Variants in SLC25A42 observed in about 807,000 individuals in gnomAD.
The protein encoded by SLC25A42 is mitochondrial coenzyme A transporter SLC25A42.
In SLC25A42, 19 loss-of-function variants were observed where a neutral mutation model predicts 34.7. That is an observed-to-expected ratio of 0.55 (90% confidence interval 0.38 to 0.80). The LOEUF is 0.80. SLC25A42 is among the 30% of genes least tolerant of loss of function. The pLI is 0.00. For missense variants in SLC25A42, 364 were observed against 441.3 expected (o/e 0.82, Z 1.57); for synonymous variants, 205 against 191.2 (o/e 1.07, Z -0.59).
At chr19:19,092,527 G>A (rs1375466003) in intron 1 of SLC25A42, among the ~76,000 whole-genome samples, 3 of 152,188 alleles carry the variant, frequency 2.0e-5, no homozygotes, top group African/African-American at 2.4e-5. Context: ...GTTCACAGAG[G>A]CTGGGCAGGT....
intron 1 of SLC25A42, 40 bp from the exon 2 acceptor site, chr19:19,096,051 G>T: frequency 7.5e-7 from 1 of 1,335,116 alleles, no homozygotes; most frequent in Non-Finnish European, 1.1e-6. Flanking sequence ...CCATCTCTCA[G>T]GATCTCGCCG....
intron 2 of SLC25A42, among the ~76,000 whole-genome samples, chr19:19,096,544 G>A (rs1451310928): frequency 6.6e-6 from 1 of 152,110 alleles, no homozygotes; most frequent in Non-Finnish European, 1.5e-5. Context: ...CACCTGGTAA[G>A]AGGCCAAAAC....
At chr19:19,089,533 AAATAAT>A (rs201259877) in intron 1 of SLC25A42, among the ~76,000 whole-genome samples, 3,742 of 147,750 alleles carry the variant, frequency 0.025, 146 homozygotes, top group African/African-American at 0.076. Flanking sequence ...ATCTCAAAAA[AAATAAT>A]AATAATAATA....
intron 5 of SLC25A42, 22 bp downstream of exon 5, chr19:19,105,749 C>T (rs1395345880): frequency 3.0e-5 from 46 of 1,518,994 alleles, no homozygotes; most frequent in Middle Eastern, 1.8e-4. Context: ...CCCCGCCCTG[C>T]CACAGAATCG....
intron 2 of SLC25A42, among the ~76,000 whole-genome samples, chr19:19,100,752 G>A (rs1422739991): frequency 2.0e-5 from 3 of 152,212 alleles, no homozygotes; most frequent in Non-Finnish European, 4.4e-5. Flanking sequence ...ACGGGGACAG[G>A]AAGGGTCTTG....
rs1331794527 is a variant in SLC25A42, at chr19:19,109,337, G to A, written c.650-1232G>A. ...CCCATTTTCGGTGTTTCTCTCTGGA[G>A]TGCTTTCCAGCCCCTTGACCCCACG... On this transcript the variant is annotated intron_variant, in intron 7 of 7. Transcript: ENST00000318596. This position sits in a 1 kb window ranked among gnomAD's most constrained non-coding sequence, Gnocchi z 4.1. Among the ~76,000 whole-genome samples, 1 of 152,330 alleles carries A rather than the reference G, an allele frequency of 6.6e-6. No individual in the cohort carries two copies. The highest frequency in any genetic ancestry group is 1.9e-4 in the East Asian group (1 of 5,182).
At chr19:19,077,993 T>C (rs541244117) in intron 1 of SLC25A42, among the ~76,000 whole-genome samples, 1 of 152,370 alleles carries the variant, frequency 6.6e-6, no homozygotes, top group African/African-American at 2.4e-5. Flanking sequence ...AGCAGCAGTT[T>C]GGTGTGTTAC....
At chr19:19,074,721 GTA>G (rs991461013) in intron 1 of SLC25A42, among the ~76,000 whole-genome samples, 6 of 151,684 alleles carry the variant, frequency 4.0e-5, no homozygotes, top group Admixed American at 2.0e-4. Flanking sequence ...GTGCGTGCGT[GTA>G]TGTGTGTGTG....
At chr19:19,105,486 G>T (rs1188151599) in intron 4 of SLC25A42, 75 bp from the exon 5 acceptor site, 1 of 1,539,844 alleles carries the variant, frequency 6.5e-7, no homozygotes, top group Non-Finnish European at 8.8e-7. Context: ...CACTTTGGGC[G>T]CTCTGCTGGT....
chr19:19,065,375 C>T lies in SLC25A42; in HGVS notation c.-35+1260C>T, dbSNP rs114036537. Among the ~76,000 whole-genome samples, 630 of 152,278 alleles carry T rather than the reference C, an allele frequency of 4.1e-3. 5 individuals are homozygous for T. The highest frequency in any genetic ancestry group is 0.015 in the African/African-American group (616 of 41,548). On this transcript the variant is annotated intron_variant, in intron 1 of 7. Transcript: ENST00000318596. ...GAAACACTCTTTAGAGTGAGGCAAA[C>T]TAATGTTTCAGCTGTTTAAAGCTAA...
At position 19,081,296 on chromosome 19, in the gene SLC25A42, G is replaced by A. The variant is rs976293271; in HGVS notation, c.-34-14795G>A. 2.0e-5 allele frequency among the ~76,000 whole-genome samples: 3 copies of A among 152,030 alleles called. No individual in the cohort carries two copies. The highest frequency in any genetic ancestry group is 7.2e-5 in the African/African-American group (3 of 41,394). Reference sequence around the variant, plus strand: ...GCACTGGACCCATAAGGAACCACAGGGACCACCACTATGACCAGCCTGGCA... The same window carrying A: ...GCACTGGACCCATAAGGAACCACAGAGACCACCACTATGACCAGCCTGGCA... On this transcript the variant is annotated intron_variant, in intron 1 of 7. Coordinates refer to ENST00000318596, the MANE Select transcript of SLC25A42 (RefSeq NM_178526.5). This position sits in a 1 kb window ranked among gnomAD's most constrained non-coding sequence, Gnocchi z 4.5.
chr19:19,106,392 C>G lies in SLC25A42; in HGVS notation c.497+7C>G, dbSNP rs372229409. Reference sequence around the variant, plus strand: ...CCGTAACCCCGAAGGAAATGTGAGTCCTTACATCGGTGATGCGCATCAGCC... The same window carrying G: ...CCGTAACCCCGAAGGAAATGTGAGTGCTTACATCGGTGATGCGCATCAGCC... On this transcript the variant is annotated splice_region_variant and intron_variant, in intron 6 of 7. Coordinates refer to ENST00000318596, the MANE Select transcript of SLC25A42 (RefSeq NM_178526.5). 3 of 1,606,542 alleles carry G rather than the reference C, an allele frequency of 1.9e-6. No individual in the cohort carries two copies. Among genetic ancestry groups the G allele is most frequent in the Non-Finnish European group, 2.6e-6 (3 of 1,174,524 alleles).
At chr19:19,094,150 C>G (rs1258562383) in intron 1 of SLC25A42, among the ~76,000 whole-genome samples, 1 of 152,218 alleles carries the variant, frequency 6.6e-6, no homozygotes, top group Non-Finnish European at 1.5e-5. Context: ...TGACAGCCCC[C>G]TTTCCAGACT....
chr19:19,077,995 G>A (rs2059663275), intron 1 of SLC25A42, among the ~76,000 whole-genome samples: 1 of 152,182 alleles, frequency 6.6e-6, no homozygotes, highest in African/African-American at 2.4e-5. Context: ...CAGCAGTTTG[G>A]TGTGTTACAT....
chr19:19,075,152 CA>C (rs947294060), intron 1 of SLC25A42, among the ~76,000 whole-genome samples: 22 of 146,720 alleles, frequency 1.5e-4, no homozygotes, highest in Admixed American at 2.7e-4. Flanking sequence ...GACCCTGTCT[CA>C]AAAAAAAAAG....
At chr19:19,083,871 C>A (rs578044726) in intron 1 of SLC25A42, among the ~76,000 whole-genome samples, 2 of 151,932 alleles carry the variant, frequency 1.3e-5, no homozygotes, top group Non-Finnish European at 2.9e-5. Context: ...CCTGCACACA[C>A]CTGCCCACAC....
chr19:19,071,486 T>G (rs558914707), intron 1 of SLC25A42, among the ~76,000 whole-genome samples: 2 of 152,226 alleles, frequency 1.3e-5, no homozygotes, highest in South Asian at 2.1e-4. Flanking sequence ...GGTCTGATCT[T>G]CAGGGGGCCA....
chr19:19,082,464 G>C (rs1220468298), intron 1 of SLC25A42, among the ~76,000 whole-genome samples: 1 of 151,570 alleles, frequency 6.6e-6, no homozygotes, highest in Non-Finnish European at 1.5e-5. Context: ...CTGGGTTCAG[G>C]CAATTCTTGT....
chr19:19,111,824 T>G lies in SLC25A42; in HGVS notation c.*948T>G, dbSNP rs2059867315. Reference sequence around the variant, plus strand: ...GTCCCCACTTGAGCAGGCACTTGGCTGGGATATGGAGCAATTTAAAGCCCA... The same window carrying G: ...GTCCCCACTTGAGCAGGCACTTGGCGGGGATATGGAGCAATTTAAAGCCCA... On this transcript the variant is annotated 3_prime_UTR_variant, in exon 8 of 8. Transcript: ENST00000318596. 6.6e-6 allele frequency: 1 copy of G among 152,322 alleles called. No homozygotes were observed. Among genetic ancestry groups the G allele is most frequent in the Non-Finnish European group, 1.5e-5 (1 of 68,102 alleles). The allele number at this position is 152,322 out of a possible 1,614,324, so 9.4% of individuals were successfully genotyped here.
Sources: gnomAD v4.1 joint callset for allele counts (sites outside exome capture counted in the v4.1 genomes callset) on GRCh38, gnomAD v4.1.1 for gene constraint, Gnocchi (gnomAD v3.1) non-coding constraint, MANE v1.5 for transcripts, NCBI Gene and HGNC (gene_info 2026-07-23, HGNC 2026-07-21) for gene names.